NCOA1: variants seen among roughly 807,000 people sequenced by gnomAD.
NCOA1 encodes the protein nuclear receptor coactivator 1.
Under a neutral mutation model 150.9 loss-of-function variants are expected in NCOA1, and 35 were observed. The ratio of observed to expected loss-of-function variants is 0.23; its 90% confidence interval spans 0.18 to 0.31. NCOA1 has a LOEUF of 0.31. Among genes scored for constraint, NCOA1 ranks in the 10% least tolerant of loss-of-function variants. The pLI is 1.00. For missense variants in NCOA1, 1,491 were observed against 1,749.3 expected (o/e 0.85, Z 2.63); for synonymous variants, 590 against 630.0 (o/e 0.94, Z 0.95).
intron 15 of NCOA1, among the ~76,000 whole-genome samples, chr2:24,727,798 C>A (rs1662776383): frequency 2.6e-5 from 4 of 152,002 alleles, no homozygotes; most frequent in Non-Finnish European, 1.5e-5. Context: ...AGTTTGATTT[C>A]TTTTGTAAAT....
chr2:24,567,172 T>C (rs1405022799), intron 2 of NCOA1, among the ~76,000 whole-genome samples: 4 of 152,234 alleles, frequency 2.6e-5, no homozygotes, highest in African/African-American at 9.6e-5. Context: ...GAAGAAAAAT[T>C]ATCTCAAATC....
chr2:24,732,839 T>C (rs1160416452), intron 17 of NCOA1, among the ~76,000 whole-genome samples: 8 of 152,006 alleles, frequency 5.3e-5, no homozygotes, highest in Non-Finnish European at 1.5e-5. Context: ...AGGGACTGTT[T>C]CTTTCCTATG....
At chr2:24,734,822 C>G (rs1663214123) in intron 17 of NCOA1, among the ~76,000 whole-genome samples, 1 of 151,856 alleles carries the variant, frequency 6.6e-6, no homozygotes, top group Non-Finnish European at 1.5e-5. Context: ...AAAATTAAAA[C>G]AGTGTGGAAC....
intron 1 of NCOA1, among the ~76,000 whole-genome samples, chr2:24,541,596 C>T (rs945580884): frequency 6.6e-6 from 1 of 152,150 alleles, no homozygotes; most frequent in Non-Finnish European, 1.5e-5. Context: ...GTTGTGGCCC[C>T]AGTTGGTTTT....
chr2:24,660,603 C>G (rs1671141518), intron 5 of NCOA1, among the ~76,000 whole-genome samples: 1 of 151,712 alleles, frequency 6.6e-6, no homozygotes, highest in Admixed American at 6.6e-5. Flanking sequence ...ATATTCAGTC[C>G]CATTAACTTT....
chr2:24,708,004 G>A (rs1490620724), intron 13 of NCOA1, 116 bp downstream of exon 13: 2 of 1,308,182 alleles, frequency 1.5e-6, no homozygotes, highest in African/African-American at 1.5e-5. Flanking sequence ...TATCCATTGG[G>A]CATATATTAA....
At position 24,666,609 on chromosome 2, in the gene NCOA1, T is replaced by C. The variant is rs1671440437; in HGVS notation, c.256+694T>C. 3.3e-5 allele frequency among the ~76,000 whole-genome samples: 5 copies of C among 150,112 alleles called. No homozygotes were observed. In the South Asian group the frequency reaches 1.1e-3, roughly 32 times the overall value. ...CCACTTATATGAGGAAGTTTGTCTC[T>C]ACCTGGGCTCTTCTCTGAAAAAACC... On this transcript the variant is annotated intron_variant, in intron 6 of 22. Coordinates refer to ENST00000348332, the MANE Select transcript of NCOA1 (RefSeq NM_003743.5).
intron 3 of NCOA1, among the ~76,000 whole-genome samples, chr2:24,603,931 G>C (rs1668241807): frequency 6.6e-6 from 1 of 152,150 alleles, no homozygotes; most frequent in Admixed American, 6.6e-5. Flanking sequence ...GGCAGTTATA[G>C]CCTTATATAA....
chr2:24,659,467 A>G (rs1316544813), intron 5 of NCOA1, among the ~76,000 whole-genome samples: 1 of 152,218 alleles, frequency 6.6e-6, no homozygotes, highest in Admixed American at 6.5e-5. Context: ...CAGATAGAGA[A>G]GAAACCTCAA....
rs149553409 is a variant in NCOA1 at position 24,706,750 on chromosome 2, A to C, written c.1280A>C (p.His427Pro). The C allele has an allele frequency of 1.7e-5, 28 of 1,614,096 alleles. No individual in the cohort carries two copies. The highest frequency in any genetic ancestry group is 1.1e-4 in the East Asian group (5 of 44,902). Residue 427 changes from histidine to proline, a missense_variant, in exon 13 of 23, where the codon CAT becomes CCT. His to Pro is a moderately conservative substitution (Grantham distance 77). This residue lies in a region of NCOA1 where 703 missense variants were observed against 717.7 expected (regional missense o/e 0.98). Transcript: ENST00000348332. The stretch of plus-strand genomic sequence containing the variant: ...AACCGCCAGCAGAGCTCAGACCTTC[A>C]TAGCAGCAGTCATAGTAATTCTAGC... ...RINRQQSSDL[H>P]SSSHSNSSNS...
intron 3 of NCOA1, among the ~76,000 whole-genome samples, chr2:24,586,188 A>T (rs928082614): frequency 3.4e-5 from 5 of 148,266 alleles, no homozygotes; most frequent in Non-Finnish European, 5.9e-5. Context: ...AGGCAGGAGA[A>T]TGGTGTGAAC....
At chr2:24,522,313 A>C (rs2148138108) in intron 1 of NCOA1, among the ~76,000 whole-genome samples, 1 of 152,294 alleles carries the variant, frequency 6.6e-6, no homozygotes. Context: ...TTATTAAACA[A>C]TTTCTTATCA....
At chr2:24,587,190 A>G (rs930880448) in intron 3 of NCOA1, among the ~76,000 whole-genome samples, 7 of 151,812 alleles carry the variant, frequency 4.6e-5, no homozygotes, top group Non-Finnish European at 1.0e-4. Flanking sequence ...CACCCACTAG[A>G]AAGAGGGGGT....
intron 6 of NCOA1, among the ~76,000 whole-genome samples, chr2:24,669,603 C>A (rs1159024235): frequency 6.6e-6 from 1 of 152,114 alleles, no homozygotes; most frequent in African/African-American, 2.4e-5. Context: ...TTCTTACCCT[C>A]ATGTAATAAA....
At chr2:24,635,330 C>CA (rs1232892562) in intron 3 of NCOA1, among the ~76,000 whole-genome samples, 31 of 152,078 alleles carry the variant, frequency 2.0e-4, no homozygotes, top group Admixed American at 1.6e-3. Context: ...CTCAGCCTCC[C>CA]ATCAGCATGG....
At chr2:24,700,396 C>T (rs1362367617) in intron 11 of NCOA1, among the ~76,000 whole-genome samples, 4 of 151,886 alleles carry the variant, frequency 2.6e-5, no homozygotes, top group Non-Finnish European at 5.9e-5. Context: ...TTTTCCTGTC[C>T]ATTAACTTAC....
intron 3 of NCOA1, among the ~76,000 whole-genome samples, chr2:24,586,945 A>G (rs1221682310): frequency 1.3e-5 from 2 of 152,050 alleles, no homozygotes; most frequent in Non-Finnish European, 2.9e-5. Context: ...CCCCAGAGAA[A>G]TACATAGTGA....
Position 24,770,698 on chromosome 2 carries a change from C to T in NCOA1, c.*2307C>T, listed in dbSNP as rs1665274900. 1 of 184,292 alleles carries T rather than the reference C, an allele frequency of 5.4e-6. No homozygotes were observed. The highest frequency in any genetic ancestry group is 2.0e-4 in the South Asian group (1 of 5,098). The allele number at this position is 184,292 out of a possible 1,614,324, so 11.4% of individuals were successfully genotyped here. ...AAAGGATAATAAAGCATCCCTGAAG[C>T]CAAAGATCCTCAAAGTCATCCTGAT... On this transcript the variant is annotated 3_prime_UTR_variant, in exon 23 of 23. Coordinates refer to ENST00000348332, the MANE Select transcript of NCOA1 (RefSeq NM_003743.5).
At chr2:24,493,891 T>C (rs1226242979) in intron 1 of NCOA1, among the ~76,000 whole-genome samples, 1 of 152,244 alleles carries the variant, frequency 6.6e-6, no homozygotes, top group Non-Finnish European at 1.5e-5. Context: ...AGGTCAAACT[T>C]TAATTTTTGT....
Sources: allele counts gnomAD v4.1 joint callset (sites outside exome capture counted in the v4.1 genomes callset), GRCh38; gene constraint gnomAD v4.1.1; regional missense constraint gnomAD v4.1.1; transcripts MANE v1.5; gene names NCBI Gene and HGNC (gene_info 2026-07-23, HGNC 2026-07-21).